Variants in TNPO3 observed in about 807,000 individuals in gnomAD.
The protein encoded by TNPO3 is transportin 3.
In TNPO3, 65 loss-of-function variants were observed where a neutral mutation model predicts 122.8. The ratio of observed to expected loss-of-function variants is 0.53; its 90% CI spans 0.43 to 0.65. TNPO3 has a LOEUF of 0.65. TNPO3 is among the 30% of genes least tolerant of loss of function. The pLI is 0.00. For missense variants in TNPO3, 850 were observed against 1,136.7 expected (o/e 0.75, Z 3.63); for synonymous variants, 372 against 411.2 (o/e 0.90, Z 1.15).
At chr7:129,001,365 C>T in intron 5 of TNPO3, 131 bp from the exon 6 acceptor site, 1 of 707,052 alleles carries the variant, frequency 1.4e-6, no homozygotes, top group South Asian at 3.5e-5. Flanking sequence ...AATAATAATA[C>T]AATGAAAAAC....
chr7:129,012,341 T>C (rs1803315680), intron 4 of TNPO3, among the ~76,000 whole-genome samples: 1 of 152,126 alleles, frequency 6.6e-6, no homozygotes, highest in South Asian at 2.1e-4. Flanking sequence ...TGAACACAAT[T>C]TTTAATAGAA....
chr7:129,044,876 T>C (rs1455668585), intron 1 of TNPO3, among the ~76,000 whole-genome samples: 1 of 152,190 alleles, frequency 6.6e-6, no homozygotes, highest in Admixed American at 6.5e-5. Flanking sequence ...ATCTAAAGAA[T>C]TGAAAGCAGG....
At chr7:128,966,082 G>A (rs1031594583) in intron 21 of TNPO3, among the ~76,000 whole-genome samples, 1 of 152,164 alleles carries the variant, frequency 6.6e-6, no homozygotes, top group African/African-American at 2.4e-5. Context: ...TTCATGTTAT[G>A]TGTATTTTTA....
rs1807923359 is a variant in TNPO3 at position 129,045,508 on chromosome 7, A to C, written c.120+9143T>G. 2.0e-5 allele frequency among the ~76,000 whole-genome samples: 3 copies of C among 151,596 alleles called. No homozygotes were observed. In the South Asian group the frequency reaches 6.3e-4, roughly 32 times the overall value. On this transcript the variant is annotated intron_variant, in intron 1 of 22. Coordinates refer to ENST00000265388, the MANE Select transcript of TNPO3 (RefSeq NM_012470.4). ...AAGACCCTGTCTCAGAAAAAAAAAAAACGTTAAAATGCTAAATTTATGTTT... is the reference window on the plus strand; with the variant it reads ...AAGACCCTGTCTCAGAAAAAAAAAACACGTTAAAATGCTAAATTTATGTTT...
intron 5 of TNPO3, among the ~76,000 whole-genome samples, chr7:129,004,129 G>C (rs1802314382): frequency 6.6e-6 from 1 of 152,124 alleles, no homozygotes; most frequent in Non-Finnish European, 1.5e-5. Context: ...AAATGACACA[G>C]AAATACACAC....
At chr7:129,048,080 G>C (rs370124439) in intron 1 of TNPO3, among the ~76,000 whole-genome samples, 1 of 152,124 alleles carries the variant, frequency 6.6e-6, no homozygotes, top group African/African-American at 2.4e-5. Flanking sequence ...ACATTAGCCA[G>C]GTATGGTGGT....
Position 128,957,244 on chromosome 7 carries a change from A to G in TNPO3, c.*11T>C, listed in dbSNP as rs1436793563. The G allele has an allele frequency of 1.2e-6, 2 of 1,614,040 alleles. No individual in the cohort carries two copies. Among genetic ancestry groups the G allele is most frequent in the Non-Finnish European group, 1.7e-6 (2 of 1,179,898 alleles). ...CTCACCTGGGTGACAGGCACAGTGC[A>G]GGAGTGTGAGCTATCGAAACAACCT... On this transcript the variant is annotated 3_prime_UTR_variant, in exon 22 of 23. Coordinates refer to ENST00000265388, the MANE Select transcript of TNPO3 (RefSeq NM_012470.4).
At chr7:129,055,843 T>A, upstream of TNPO3, 1 of 566,510 alleles carries the variant, frequency 1.8e-6, no homozygotes, top group Non-Finnish European at 3.2e-6. Flanking sequence ...TATATTGATA[T>A]TAACATTGCT....
At chr7:129,036,839 G>A (rs1806745381) in intron 1 of TNPO3, among the ~76,000 whole-genome samples, 1 of 152,052 alleles carries the variant, frequency 6.6e-6, no homozygotes, top group African/African-American at 2.4e-5. Context: ...TACGGTAACT[G>A]AAATTAAGAA....
intron 14 of TNPO3, among the ~76,000 whole-genome samples, chr7:128,980,855 A>G (rs1318893606): frequency 6.6e-6 from 1 of 152,230 alleles, no homozygotes; most frequent in East Asian, 1.9e-4. Context: ...ACTAAAAGCT[A>G]TAGGAACTGT....
intron 17 of TNPO3, 23 bp from the exon 18 acceptor site, chr7:128,974,985 A>G: frequency 6.3e-7 from 1 of 1,595,658 alleles, no homozygotes; most frequent in Non-Finnish European, 8.6e-7. Flanking sequence ...AGTGATTTTA[A>G]AAGAAATGCT....
rs761829317 is a variant in TNPO3, at chr7:128,959,744, G to A, written c.2712-2429C>T. ...ATGGATCAAAAAGCTCCTTGAGGCC[G>A]GGCGCGGTGGCTCACACCTGTAATC... On this transcript the variant is annotated intron_variant, in intron 21 of 22. Coordinates refer to ENST00000265388, the MANE Select transcript of TNPO3 (RefSeq NM_012470.4). Among the ~76,000 whole-genome samples the A allele has an allele frequency of 1.1e-4, 16 of 152,188 alleles. 2 individuals are homozygous for A. The highest frequency in any genetic ancestry group is 5.2e-4 in the Admixed American group (8 of 15,274).
At chr7:128,989,809 G>T in intron 11 of TNPO3, 152 bp downstream of exon 11, 1 of 779,066 alleles carries the variant, frequency 1.3e-6, no homozygotes, top group Non-Finnish European at 2.0e-6. Context: ...TATCAAATAA[G>T]CACTAACTTA....
intron 5 of TNPO3, among the ~76,000 whole-genome samples, chr7:129,002,402 C>A (rs983777207): frequency 6.6e-6 from 1 of 152,140 alleles, no homozygotes; most frequent in East Asian, 1.9e-4. Context: ...GGAATCCTCC[C>A]GGGTTTCTAG....
At chr7:128,964,246 C>T (rs1301576205) in intron 21 of TNPO3, among the ~76,000 whole-genome samples, 1 of 151,948 alleles carries the variant, frequency 6.6e-6, no homozygotes, top group Non-Finnish European at 1.5e-5. Flanking sequence ...ATACAATCCC[C>T]ATCAAAATCC....
At position 128,974,891 on chromosome 7, in the gene TNPO3, A is replaced by T; in HGVS notation, c.2250T>A (p.Asp750Glu). The change falls in exon 18 of 23, where the codon GAT becomes GAA. Residue 750 changes from aspartate (D) to glutamate (E), a missense_variant. Coordinates refer to ENST00000265388, the MANE Select transcript of TNPO3 (RefSeq NM_012470.4). ...NGLQNHPDTV[D>E]DLFRLATRFI... Reference sequence around the variant, plus strand: ...ACCTGGTGGCTAGCCGGAACAGGTCATCTACAGTGTCAGGGTGATTCTGGA... The same window carrying T: ...ACCTGGTGGCTAGCCGGAACAGGTCTTCTACAGTGTCAGGGTGATTCTGGA... 1 of 1,614,214 alleles carries T rather than the reference A, an allele frequency of 6.2e-7. No individual in the cohort carries two copies. Among genetic ancestry groups the T allele is most frequent in the Non-Finnish European group, 8.5e-7 (1 of 1,180,036 alleles).
At chr7:128,983,042 G>A (rs1799787785) in intron 13 of TNPO3, among the ~76,000 whole-genome samples, 1 of 151,974 alleles carries the variant, frequency 6.6e-6, no homozygotes, top group South Asian at 2.1e-4. Context: ...AACTGAATAG[G>A]TCCCTCCTGT....
intron 1 of TNPO3, among the ~76,000 whole-genome samples, chr7:129,051,052 A>G (rs1808702870): frequency 6.6e-6 from 1 of 152,134 alleles, no homozygotes; most frequent in Admixed American, 6.5e-5. Context: ...CTTTAGCCAA[A>G]AAAGAAAACA....
intron 20 of TNPO3, among the ~76,000 whole-genome samples, chr7:128,969,030 T>C (rs1475140484): frequency 3.3e-5 from 5 of 152,178 alleles, no homozygotes; most frequent in Non-Finnish European, 5.9e-5. Flanking sequence ...CTGGCTGATA[T>C]ACAGTACACT....
Sources: allele counts gnomAD v4.1 joint callset (sites outside exome capture counted in the v4.1 genomes callset), GRCh38; gene constraint gnomAD v4.1.1; transcripts MANE v1.5; gene names NCBI Gene and HGNC (gene_info 2026-07-23, HGNC 2026-07-21).